Variants in LRFN5 observed in about 807,000 individuals in gnomAD.
LRFN5 encodes the protein leucine rich repeat and fibronectin type III domain containing 5.
In LRFN5, 24 loss-of-function variants were observed where a neutral mutation model predicts 45.6. That is an observed-to-expected ratio of 0.53 (90% CI 0.38 to 0.74). The LOEUF is 0.74. Ranked by LOEUF, LRFN5 falls within the 30% of genes least tolerant of loss-of-function variation. LRFN5 has a pLI of 0.00. For missense variants in LRFN5, 776 were observed against 861.5 expected (o/e 0.90, Z 1.24); for synonymous variants, 340 against 313.8 (o/e 1.08, Z -0.88).
At chr14:41,817,471 G>T (rs536950763) in intron 2 of LRFN5, among the ~76,000 whole-genome samples, 1 of 152,166 alleles carries the variant, frequency 6.6e-6, no homozygotes, top group South Asian at 2.1e-4. Flanking sequence ...TATTTTACGA[G>T]CTTGTACCTC....
intron 1 of LRFN5, among the ~76,000 whole-genome samples, chr14:41,730,813 A>T (rs933735895): frequency 6.6e-6 from 1 of 151,906 alleles, no homozygotes; most frequent in Middle Eastern, 3.2e-3. Context: ...GGTTTTGTTA[A>T]CAAAAGATGA....
intron 1 of LRFN5, among the ~76,000 whole-genome samples, chr14:41,755,082 A>G (rs138636187): frequency 0.28 from 42,358 of 151,822 alleles, 6,209 homozygotes; most frequent in South Asian, 0.43. Flanking sequence ...GTTTTGAGTG[A>G]GTTTCTTAAT....
rs1883837314 is a variant in LRFN5, at chr14:41,724,169, G to A, written c.-196-42685G>A. Among the ~76,000 whole-genome samples the A allele has an allele frequency of 4.6e-5, 7 of 152,236 alleles. No homozygotes were observed. The South Asian group carries it at 1.0e-3, about 23-fold the overall frequency. ...CATCTCTTCTCCTTCTTGAGATCTG[G>A]AGTGTCCTTCATGCTTCCAATTTTC... On this transcript the variant is annotated intron_variant, in intron 1 of 5. Transcript: ENST00000298119.
At chr14:41,654,532 T>G (rs1291093973) in intron 1 of LRFN5, among the ~76,000 whole-genome samples, 1 of 152,002 alleles carries the variant, frequency 6.6e-6, no homozygotes, top group East Asian at 1.9e-4. Flanking sequence ...GTTGAAGGGC[T>G]TAGAACACTT....
chr14:41,776,059 G>C (rs1886283587), intron 2 of LRFN5, among the ~76,000 whole-genome samples: 1 of 152,162 alleles, frequency 6.6e-6, no homozygotes, highest in South Asian at 2.1e-4. Context: ...AGTGATTCCA[G>C]CAAACAACCA....
intron 4 of LRFN5, chr14:41,894,211 T>G (rs1890868904): frequency 1.0e-6 from 1 of 985,082 alleles, no homozygotes; most frequent in East Asian, 1.1e-4. Context: ...TCATGCAACA[T>G]TAGCAAGGTT....
chr14:41,662,012 A>G (rs1324967514), intron 1 of LRFN5, among the ~76,000 whole-genome samples: 1 of 152,026 alleles, frequency 6.6e-6, no homozygotes, highest in South Asian at 2.1e-4. Flanking sequence ...GACATTGACA[A>G]GAGAAGGGGT....
intron 1 of LRFN5, among the ~76,000 whole-genome samples, chr14:41,724,590 G>A (rs1479322386): frequency 6.6e-6 from 1 of 152,040 alleles, no homozygotes; most frequent in Non-Finnish European, 1.5e-5. Context: ...GCCATATTAA[G>A]TTATGGTTGT....
In LRFN5 at chr14:41,766,942, G is replaced by T. The variant is rs1396002154; in HGVS notation, c.-108G>T. On this transcript the variant is annotated 5_prime_UTR_variant, in exon 2 of 6. Transcript: ENST00000298119. ...ACACCGTCCTCTGAAATCAGCTTTGGAGATGCTTTCACTCTGTCCGTCTTC... is the reference window on the plus strand; with the variant it reads ...ACACCGTCCTCTGAAATCAGCTTTGTAGATGCTTTCACTCTGTCCGTCTTC... 2.0e-5 allele frequency: 3 copies of T among 152,548 alleles called. No individual in the cohort carries two copies. The highest frequency in any genetic ancestry group is 7.2e-5 in the African/African-American group (3 of 41,400). The allele number at this position is 152,548 out of a possible 1,614,324, so 9.4% of individuals were successfully genotyped here. A position where few individuals can be genotyped will look rare whatever the true frequency, so the allele number is the denominator to read the frequency against.
chr14:41,669,274 T>A (rs1349178082), intron 1 of LRFN5, among the ~76,000 whole-genome samples: 2 of 150,416 alleles, frequency 1.3e-5, no homozygotes, highest in East Asian at 3.9e-4. Flanking sequence ...CCCATACAAA[T>A]CAGTTAGAAA....
At chr14:41,638,930 A>G (rs977472045) in intron 1 of LRFN5, among the ~76,000 whole-genome samples, 4 of 152,112 alleles carry the variant, frequency 2.6e-5, no homozygotes, top group Non-Finnish European at 5.9e-5. Context: ...ATATTTGTAC[A>G]TAACTTTGGC....
chr14:41,902,919 T>C (rs1891144599), intron 5 of LRFN5, among the ~76,000 whole-genome samples: 1 of 151,714 alleles, frequency 6.6e-6, no homozygotes, highest in Non-Finnish European at 1.5e-5. Context: ...TTTAGTAATA[T>C]ATACCATTAC....
rs551620496 is a variant in LRFN5, at chr14:41,687,302, A to G, written c.-197+78740A>G. 1.6e-4 allele frequency among the ~76,000 whole-genome samples: 24 copies of G among 152,350 alleles called. 2 individuals are homozygous for G. Among genetic ancestry groups the G allele is most frequent in the Middle Eastern group, 6.8e-3 (2 of 294 alleles). ...CCACAATGAGATACCATTTCACTACAGTCAGAACGGCAATTATTAAAAAAT... is the reference window on the plus strand; with the variant it reads ...CCACAATGAGATACCATTTCACTACGGTCAGAACGGCAATTATTAAAAAAT... On this transcript the variant is annotated intron_variant, in intron 1 of 5. Coordinates refer to ENST00000298119, the MANE Select transcript of LRFN5 (RefSeq NM_152447.5).
chr14:41,781,623 AAAGAAAGAAAGG>A (rs1886520368), intron 2 of LRFN5, among the ~76,000 whole-genome samples: 3 of 142,588 alleles, frequency 2.1e-5, no homozygotes, highest in East Asian at 2.0e-4. Context: ...AAAGAGAAAG[AAAGAAAGAAAGG>A]AAAGAAAGAA....
At chr14:41,704,071 A>G (rs1882947758) in intron 1 of LRFN5, among the ~76,000 whole-genome samples, 1 of 152,200 alleles carries the variant, frequency 6.6e-6, no homozygotes, top group African/African-American at 2.4e-5. Context: ...CTCCACAAAA[A>G]GAAGCTGAAG....
At position 41,887,575 on chromosome 14, in the gene LRFN5, C is replaced by T. The variant is rs752409686; in HGVS notation, c.950C>T (p.Ala317Val). The T allele has an allele frequency of 6.2e-7, 1 of 1,614,202 alleles. No homozygotes were observed. The highest frequency in any genetic ancestry group is 8.5e-7 in the Non-Finnish European group (1 of 1,180,030). Residue 317 changes from alanine to valine, a missense_variant, in exon 3 of 6, where the codon GCA becomes GTA. Ala to Val is a moderately conservative substitution (Grantham distance 64, BLOSUM62 0). Transcript: ENST00000298119. This position sits in a 1 kb window ranked among gnomAD's most constrained non-coding sequence, Gnocchi z 4.8. Reference sequence around the variant, plus strand: ...AAAGCCAGGGGAGACCCTGAGCCTGCAATTCACTGGATTTCTCCTGAAGGG... The same window carrying T: ...AAAGCCAGGGGAGACCCTGAGCCTGTAATTCACTGGATTTCTCCTGAAGGG... ...RCKARGDPEP[A>V]IHWISPEGKL...
chr14:41,704,406 TTTTCTCTCTC>T lies in LRFN5; in HGVS notation c.-196-62446_-196-62437del, dbSNP rs1164500779. Among the ~76,000 whole-genome samples, 3 of 98,028 alleles carry T rather than the reference TTTTCTCTCTC, an allele frequency of 3.1e-5. No individual in the cohort carries two copies. The East Asian group carries it at 1.5e-3, about 48-fold the overall frequency. 64.3% of individuals were successfully genotyped at this position (98,028 alleles called of 152,430 possible). A position where few individuals can be genotyped will look rare whatever the true frequency, so the allele number is the denominator to read the frequency against. On this transcript the variant is annotated intron_variant, in intron 1 of 5. Coordinates refer to ENST00000298119, the MANE Select transcript of LRFN5 (RefSeq NM_152447.5). Reference sequence around the variant, plus strand: ...CCATTTTCTAGACTTATTGTTATACTTTTCTCTCTCTCTCTCTCTCTCTCTCTCTCTCTCT... The same window carrying T: ...CCATTTTCTAGACTTATTGTTATACTTCTCTCTCTCTCTCTCTCTCTCTCT...
chr14:41,823,027 T>G (rs1022513545), intron 2 of LRFN5, among the ~76,000 whole-genome samples: 1 of 151,974 alleles, frequency 6.6e-6, no homozygotes, highest in Non-Finnish European at 1.5e-5. Context: ...TCTATAAGTG[T>G]CATTACTAGT....
intron 3 of LRFN5, among the ~76,000 whole-genome samples, chr14:41,889,031 ATGTATATATACATGTG>A (rs1276921102): frequency 1.3e-5 from 2 of 149,608 alleles, no homozygotes; most frequent in East Asian, 2.0e-4. Context: ...ATATATACAC[ATGTATATATACATGTG>A]TGTATATATA....
Sources: gnomAD v4.1 joint callset for allele counts (sites outside exome capture counted in the v4.1 genomes callset) on GRCh38, gnomAD v4.1.1 for gene constraint, Gnocchi (gnomAD v3.1) non-coding constraint, MANE v1.5 for transcripts, NCBI Gene and HGNC (gene_info 2026-07-23, HGNC 2026-07-21) for gene names.